DGKG: variants seen among roughly 807,000 people sequenced by gnomAD.
DGKG encodes DAG kinase gamma.
In DGKG, 78 loss-of-function variants were observed where a neutral mutation model predicts 105.3. That is an observed-to-expected ratio of 0.74 (90% CI 0.62 to 0.89). The LOEUF is 0.89. Among genes scored for constraint, DGKG ranks in the 40% least tolerant of loss-of-function variants. The pLI, the probability that DGKG is intolerant of heterozygous loss-of-function variation, is 0.00. For synonymous variants in DGKG, 346 were observed against 367.1 expected, an observed-to-expected ratio of 0.94 and a Z score of 0.66; for missense variants, 958 against 1,020.1, an observed-to-expected ratio of 0.94 and a Z score of 0.83.
chr3:186,179,589 A>G (rs1298243275), intron 22 of DGKG, among the ~76,000 whole-genome samples: 1 of 152,242 alleles, frequency 6.6e-6, no homozygotes, highest in East Asian at 1.9e-4. Flanking sequence ...TTTCAGTATT[A>G]TGTAGAAAAC....
intron 1 of DGKG, among the ~76,000 whole-genome samples, chr3:186,324,975 CTGGA>C (rs1281245441): frequency 6.6e-6 from 1 of 152,200 alleles, no homozygotes; most frequent in Non-Finnish European, 1.5e-5. Flanking sequence ...CAATGATGGA[CTGGA>C]TGGATAAAGA....
chr3:186,280,703 C>T lies in DGKG; in HGVS notation c.636G>A (p.Gln212=). The T allele has an allele frequency of 6.2e-7, 1 of 1,614,122 alleles. No homozygotes were observed. The highest frequency in any genetic ancestry group is 8.5e-7 in the Non-Finnish European group (1 of 1,179,980). The change falls in exon 8 of 25, where the codon CAG becomes CAA. Residue 212 remains glutamine (Q), a synonymous_variant. Transcript: ENST00000265022. The stretch of plus-strand genomic sequence containing the variant: ...GCTCTGTGGGATCCCACTCCAGGTA[C>T]TGGGCAATATGCAGCATTTGGTTGA... ...CIVNQMLHIA[Q]YLEWDPTELR... is the part of the protein sequence containing the mutation.
chr3:186,232,926 T>G (rs1720224064), intron 20 of DGKG, among the ~76,000 whole-genome samples: 1 of 152,322 alleles, frequency 6.6e-6, no homozygotes, highest in East Asian at 1.9e-4. Flanking sequence ...GTAATAAGAA[T>G]ATTAATAACA....
intron 20 of DGKG, among the ~76,000 whole-genome samples, chr3:186,225,728 T>G (rs771636806): frequency 6.6e-6 from 1 of 152,172 alleles, no homozygotes; most frequent in Non-Finnish European, 1.5e-5. Flanking sequence ...CTCATTTACA[T>G]GAACTGCCTG....
At chr3:186,195,353 T>C (rs958773231) in intron 21 of DGKG, among the ~76,000 whole-genome samples, 4 of 152,182 alleles carry the variant, frequency 2.6e-5, no homozygotes, top group Non-Finnish European at 5.9e-5. Context: ...CTTTAAAAAA[T>C]TCTTTAATAA....
Position 186,279,862 on chromosome 3 carries a change from T to C in DGKG, c.781A>G (p.Met261Val), listed in dbSNP as rs748682125. The part of the protein sequence containing the change: ...TTIPLLVLLG[M>V]DDSGSKGDGR... Reference sequence around the variant, plus strand: ...GCTTGTTGACTTACAGAGTCATCCATCCCCAGGAGGACCAGCAATGGGATG... The same window carrying C: ...GCTTGTTGACTTACAGAGTCATCCACCCCCAGGAGGACCAGCAATGGGATG... The change falls in exon 9 of 25, where the codon ATG becomes GTG. Residue 261 changes from methionine (M) to valine (V), a missense_variant. By Grantham distance (21) the Met-to-Val change is conservative. Around this residue, in one of 2 missense-constraint regions of DGKG, gnomAD observed 643 missense variants for 619.5 expected, o/e 1.04. Transcript: ENST00000265022. The C allele has an allele frequency of 5.6e-6, 9 of 1,613,804 alleles. No homozygotes were observed. In the Admixed American group the frequency reaches 8.3e-5, roughly 15 times the overall value.
In DGKG at chr3:186,261,770, G is replaced by A. The variant is rs749333587; in HGVS notation, c.1278C>T (p.Ile426=). ...GGGGGTGGGTACCCGGGGTGGGGAT[G>A]ATCTTATACTTGAAAGGTAAAAGAA... ...AKGELVMQYK[I]IPTPGTHPLL... Residue 426 remains isoleucine (I), a synonymous_variant, in exon 15 of 25, where the codon ATC becomes ATT. Coordinates refer to ENST00000265022, the MANE Select transcript of DGKG (RefSeq NM_001346.3). 10 of 1,599,534 alleles carry A rather than the reference G, an allele frequency of 6.3e-6. No homozygotes were observed. The Admixed American group carries it at 1.5e-4, about 25-fold the overall frequency.
At chr3:186,329,711 T>C (rs1165895171) in intron 1 of DGKG, among the ~76,000 whole-genome samples, 1 of 152,250 alleles carries the variant, frequency 6.6e-6, no homozygotes, top group Admixed American at 6.5e-5. Flanking sequence ...CTTTAACTCC[T>C]ACTGTTCCTT....
At chr3:186,297,707 C>T (rs1026051159) in intron 4 of DGKG, among the ~76,000 whole-genome samples, 1 of 152,216 alleles carries the variant, frequency 6.6e-6, no homozygotes, top group African/African-American at 2.4e-5. Context: ...TCCTCTAACA[C>T]TTCCAAGCTA....
chr3:186,324,177 G>A (rs569393500), intron 1 of DGKG, among the ~76,000 whole-genome samples: 1 of 151,258 alleles, frequency 6.6e-6, no homozygotes, highest in South Asian at 2.1e-4. Context: ...CACAGAGGGA[G>A]ATCTAAGAGG....
chr3:186,304,037 G>A (rs1434134447), intron 3 of DGKG, among the ~76,000 whole-genome samples: 1 of 152,222 alleles, frequency 6.6e-6, no homozygotes, highest in East Asian at 1.9e-4. Context: ...AGCAGTGCCT[G>A]GCATTACAAA....
chr3:186,147,569 C>T lies in DGKG; in HGVS notation c.*2521G>A. ...GCAATTCCACTGAAGTTGTTATACT[C>T]CATGCCTCTAAGAAGGACTTGGGAT... On this transcript the variant is annotated 3_prime_UTR_variant, in exon 25 of 25. Coordinates refer to ENST00000265022, the MANE Select transcript of DGKG (RefSeq NM_001346.3). The T allele has an allele frequency of 1.0e-6, 1 of 985,386 alleles. No homozygotes were observed. The highest frequency in any genetic ancestry group is 1.2e-6 in the Non-Finnish European group (1 of 829,920). The allele number at this position is 985,386 out of a possible 1,614,324, so 61.0% of individuals were successfully genotyped here.
intron 2 of DGKG, chr3:186,313,637 A>G (rs1724665369): frequency 2.8e-6 from 1 of 360,282 alleles, no homozygotes; most frequent in Non-Finnish European, 3.9e-6. Context: ...GCAGTACCCC[A>G]GACCTACTGA....
chr3:186,358,657 T>G (rs1030392416), intron 1 of DGKG, among the ~76,000 whole-genome samples: 4 of 151,970 alleles, frequency 2.6e-5, no homozygotes, highest in Non-Finnish European at 4.4e-5. Context: ...TAGCCTTGAT[T>G]TCTTTTTTTT....
At chr3:186,175,488 A>C (rs1177512771) in intron 22 of DGKG, among the ~76,000 whole-genome samples, 5 of 152,300 alleles carry the variant, frequency 3.3e-5, no homozygotes, top group African/African-American at 9.6e-5. Flanking sequence ...AGCTCTGTGC[A>C]TGAGGGTCAG....
intron 10 of DGKG, among the ~76,000 whole-genome samples, chr3:186,274,154 T>C (rs1722464316): frequency 6.6e-6 from 1 of 152,214 alleles, no homozygotes; most frequent in African/African-American, 2.4e-5. Flanking sequence ...TTAATTCCTA[T>C]TGCCTTTACA....
At chr3:186,301,245 C>A (rs1458827135) in intron 3 of DGKG, among the ~76,000 whole-genome samples, 6 of 152,180 alleles carry the variant, frequency 3.9e-5, no homozygotes, top group Non-Finnish European at 7.3e-5. Flanking sequence ...ACCCCATGTC[C>A]ATCTGTTGGT....
At chr3:186,333,946 T>C (rs1213017108) in intron 1 of DGKG, among the ~76,000 whole-genome samples, 1 of 152,156 alleles carries the variant, frequency 6.6e-6, no homozygotes, top group Non-Finnish European at 1.5e-5. Flanking sequence ...ACGCTCAGCT[T>C]GGTAAGTTCC....
chr3:186,320,671 T>C lies in DGKG; in HGVS notation c.-212A>G. 4.9e-6 allele frequency: 3 copies of C among 610,740 alleles called. No homozygotes were observed. The highest frequency in any genetic ancestry group is 7.6e-6 in the Non-Finnish European group (3 of 393,536). The allele number at this position is 610,740 out of a possible 1,614,324, so 37.8% of individuals were successfully genotyped here. A position where few individuals can be genotyped will look rare whatever the true frequency, so the allele number is the denominator to read the frequency against. On this transcript the variant is annotated 5_prime_UTR_variant, in exon 2 of 25. Transcript: ENST00000265022. ...CTATTCCTTAGGCAACATCCTCCTG[T>C]CTGTATTCAAGGTAAATTCAGAAGT...
Sources: allele counts gnomAD v4.1 joint callset (sites outside exome capture counted in the v4.1 genomes callset), GRCh38; gene constraint gnomAD v4.1.1; regional missense constraint gnomAD v4.1.1; transcripts MANE v1.5; gene names NCBI Gene and HGNC (gene_info 2026-07-23, HGNC 2026-07-21).